The following MCC variants were observed in gnomAD, a reference collection of about 807,000 sequenced individuals.
MCC encodes the protein MCC regulator of Wnt signaling pathway.
In MCC, 90 loss-of-function variants were observed where a neutral mutation model predicts 116.2. That is an observed-to-expected ratio of 0.77 (90% CI 0.65 to 0.92). The LOEUF (loss-of-function observed/expected upper bound fraction) is 0.92, where lower values mean the gene tolerates loss of function less well. MCC is among the 40% of genes least tolerant of loss of function. The pLI is 0.00. For missense variants in MCC, 1,516 were observed against 1,312.2 expected, an observed-to-expected ratio of 1.16 and a Z score of -2.40; for synonymous variants, 578 against 510.5, an observed-to-expected ratio of 1.13 and a Z score of -1.78.
intron 1 of MCC, among the ~76,000 whole-genome samples, chr5:113,467,561 G>A (rs1363021174): frequency 6.6e-6 from 1 of 152,070 alleles, no homozygotes. Flanking sequence ...TTTGGTACCA[G>A]TACCACGCTG....
intron 4 of MCC, among the ~76,000 whole-genome samples, chr5:113,143,612 T>C (rs142632616): frequency 2.0e-4 from 31 of 152,326 alleles, no homozygotes; most frequent in African/African-American, 7.0e-4. Context: ...CCCTTTGCCA[T>C]TGCACACTGT....
At chr5:113,274,087 G>C (rs1339231567) in intron 3 of MCC, among the ~76,000 whole-genome samples, 2 of 152,206 alleles carry the variant, frequency 1.3e-5, no homozygotes, top group Non-Finnish European at 2.9e-5. Context: ...AGCAGGATAG[G>C]GGACCTCCAG....
chr5:113,277,723 T>C (rs1437026141), intron 3 of MCC, among the ~76,000 whole-genome samples: 2 of 152,136 alleles, frequency 1.3e-5, no homozygotes, highest in Admixed American at 6.5e-5. Flanking sequence ...CAGTACCAAA[T>C]GGTTACTTCA....
chr5:113,404,113 C>T (rs1769764039), intron 1 of MCC, among the ~76,000 whole-genome samples: 1 of 151,956 alleles, frequency 6.6e-6, no homozygotes, highest in African/African-American at 2.4e-5. Context: ...GTGATCTGCC[C>T]GCCTCAGACT....
chr5:113,407,711 G>A (rs1192164947), intron 1 of MCC, among the ~76,000 whole-genome samples: 1 of 152,120 alleles, frequency 6.6e-6, no homozygotes, highest in Non-Finnish European at 1.5e-5. Context: ...CGTGTGCCAT[G>A]GGGGTTTGCT....
intron 3 of MCC, among the ~76,000 whole-genome samples, chr5:113,213,536 C>T (rs981680521): frequency 2.0e-5 from 3 of 152,126 alleles, no homozygotes; most frequent in Non-Finnish European, 2.9e-5. Flanking sequence ...AAGAGAACAA[C>T]GACATAACCT....
chr5:113,187,742 G>A (rs1269305568), intron 3 of MCC, among the ~76,000 whole-genome samples: 1 of 122,426 alleles, frequency 8.2e-6, no homozygotes, highest in Non-Finnish European at 1.7e-5. Context: ...GCGACTGAGT[G>A]AGACTCCAAC....
chr5:113,033,631 C>G (rs762548684), intron 17 of MCC, among the ~76,000 whole-genome samples: 5 of 152,172 alleles, frequency 3.3e-5, no homozygotes, highest in Non-Finnish European at 7.3e-5. Context: ...CCATATGCAC[C>G]TTCAATAGTA....
intron 1 of MCC, among the ~76,000 whole-genome samples, chr5:113,422,667 C>T (rs1032202207): frequency 1.1e-4 from 17 of 152,060 alleles, no homozygotes; most frequent in Non-Finnish European, 2.4e-4. Context: ...CTTGAAGAGC[C>T]GTGGAATCTG....
At chr5:113,128,245 G>T (rs1363745700) in intron 5 of MCC, among the ~76,000 whole-genome samples, 1 of 152,202 alleles carries the variant, frequency 6.6e-6, no homozygotes, top group Non-Finnish European at 1.5e-5. Context: ...GATTTGTGGA[G>T]AAGAGCCAGA....
intron 3 of MCC, among the ~76,000 whole-genome samples, chr5:113,330,418 ACAAAGATG>A (rs1408385067): frequency 6.6e-6 from 1 of 152,238 alleles, no homozygotes; most frequent in Non-Finnish European, 1.5e-5. Context: ...ATTTTCAAAT[ACAAAGATG>A]CAAAGATAGA....
chr5:113,069,035 A>G (rs1403631539), intron 12 of MCC, among the ~76,000 whole-genome samples: 1 of 152,270 alleles, frequency 6.6e-6, no homozygotes, highest in Non-Finnish European at 1.5e-5. Flanking sequence ...TCTACTAGCC[A>G]CAAATAGCTA....
intron 3 of MCC, among the ~76,000 whole-genome samples, chr5:113,196,086 T>C (rs1442135007): frequency 2.0e-5 from 3 of 152,238 alleles, no homozygotes; most frequent in African/African-American, 7.2e-5. Flanking sequence ...TACTTGTGCC[T>C]CGGTTGGCAC....
At chr5:113,258,589 G>C (rs1765106374) in intron 3 of MCC, among the ~76,000 whole-genome samples, 2 of 152,242 alleles carry the variant, frequency 1.3e-5, no homozygotes, top group South Asian at 4.1e-4. Flanking sequence ...AGGTAGAACA[G>C]TTTCATCCCA....
At chr5:113,455,823 G>C (rs914447836) in intron 1 of MCC, among the ~76,000 whole-genome samples, 1 of 152,168 alleles carries the variant, frequency 6.6e-6, no homozygotes, top group Non-Finnish European at 1.5e-5. Context: ...CAGAAAACTT[G>C]TGAAAAAGCC....
intron 16 of MCC, among the ~76,000 whole-genome samples, chr5:113,046,487 C>A (rs1752083054): frequency 6.6e-6 from 1 of 151,860 alleles, no homozygotes; most frequent in African/African-American, 2.4e-5. Context: ...CCACCACGTC[C>A]AGCCAAATTT....
intron 5 of MCC, among the ~76,000 whole-genome samples, chr5:113,123,407 G>C (rs180801494): frequency 1.3e-5 from 2 of 152,170 alleles, no homozygotes; most frequent in African/African-American, 4.8e-5. Flanking sequence ...GTAGAACTAG[G>C]GGGTAGGAAG....
intron 1 of MCC, among the ~76,000 whole-genome samples, chr5:113,454,865 G>A (rs1405546747): frequency 6.6e-6 from 1 of 152,086 alleles, no homozygotes; most frequent in African/African-American, 2.4e-5. Flanking sequence ...AATACTACAT[G>A]CATGCACACA....
intron 8 of MCC, among the ~76,000 whole-genome samples, chr5:113,100,650 C>G (rs1040682230): frequency 6.6e-6 from 1 of 151,810 alleles, no homozygotes; most frequent in Non-Finnish European, 1.5e-5. Flanking sequence ...TTTTGTACTT[C>G]TAGTGGAGAC....
Sources: allele counts gnomAD v4.1 joint callset (sites outside exome capture counted in the v4.1 genomes callset), GRCh38; gene constraint gnomAD v4.1.1; transcripts MANE v1.5; gene names NCBI Gene and HGNC (gene_info 2026-07-23, HGNC 2026-07-21).